PTPRD: variants seen among roughly 807,000 people sequenced by gnomAD.
The protein encoded by PTPRD is protein tyrosine phosphatase receptor type D.
A neutral mutation model predicts 214.5 loss-of-function variants in PTPRD; 34 were observed. That is an observed-to-expected ratio of 0.16 (90% confidence interval 0.12 to 0.21). PTPRD has a LOEUF of 0.21. Ranked by LOEUF, PTPRD falls within the 10% of genes least tolerant of loss-of-function variation. PTPRD has a pLI of 1.00. For missense variants in PTPRD, 2,545 were observed against 2,398.7 expected, an observed-to-expected ratio of 1.06 and a Z score of -1.27; for synonymous variants, 1,128 against 845.7, an observed-to-expected ratio of 1.33 and a Z score of -5.79.
At chr9:9,650,116 T>A in intron 7 of PTPRD, among the ~76,000 whole-genome samples, 1 of 152,098 alleles carries the variant, frequency 6.6e-6, no homozygotes, top group Middle Eastern at 3.2e-3. Context: ...TCCCCCATGC[T>A]GTTCTCACAA....
At chr9:10,029,150 T>C in intron 4 of PTPRD, among the ~76,000 whole-genome samples, 1 of 152,184 alleles carries the variant, frequency 6.6e-6, no homozygotes, top group East Asian at 1.9e-4. Flanking sequence ...GAACTGGAGT[T>C]TGGGAACCTC....
At chr9:9,953,046 A>G (rs2093594516) in intron 4 of PTPRD, among the ~76,000 whole-genome samples, 1 of 152,194 alleles carries the variant, frequency 6.6e-6, no homozygotes, top group African/African-American at 2.4e-5. Context: ...AGAAATTAGT[A>G]TCAACATCAA....
intron 4 of PTPRD, among the ~76,000 whole-genome samples, chr9:9,958,416 A>C (rs1238118894): frequency 1.3e-5 from 2 of 152,120 alleles, no homozygotes; most frequent in Non-Finnish European, 2.9e-5. Context: ...CTGTAATACC[A>C]GCTACTAGGG....
At chr9:9,017,148 A>G (rs2154366669) in intron 11 of PTPRD, among the ~76,000 whole-genome samples, 1 of 152,244 alleles carries the variant, frequency 6.6e-6, no homozygotes, top group African/African-American at 2.4e-5. Flanking sequence ...ATGATAAATG[A>G]TTAATACATA....
chr9:10,101,977 C>T (rs79341644), intron 3 of PTPRD, among the ~76,000 whole-genome samples: 2,391 of 151,724 alleles, frequency 0.016, 54 homozygotes, highest in African/African-American at 0.054. Context: ...AATTGGCCAG[C>T]CATACACATC....
At chr9:9,320,321 T>A (rs1412882) in intron 9 of PTPRD, among the ~76,000 whole-genome samples, 16,717 of 152,108 alleles carry the variant, frequency 0.11, 1,169 homozygotes, top group Non-Finnish European at 0.16. Context: ...TGAGATTGGG[T>A]ATTTGGTTCT....
chr9:8,978,437 A>G (rs1468644361), intron 11 of PTPRD, among the ~76,000 whole-genome samples: 2 of 152,092 alleles, frequency 1.3e-5, no homozygotes, highest in African/African-American at 4.8e-5. Context: ...TATCCACGGA[A>G]TGAACTATTG....
chr9:8,923,128 G>A (rs894139976), intron 11 of PTPRD, among the ~76,000 whole-genome samples: 5 of 149,774 alleles, frequency 3.3e-5, no homozygotes, highest in Non-Finnish European at 5.9e-5. Context: ...TGAAACCTCC[G>A]CCTCCTGGGT....
At chr9:10,276,486 A>G (rs2094698071) in intron 3 of PTPRD, among the ~76,000 whole-genome samples, 1 of 152,230 alleles carries the variant, frequency 6.6e-6, no homozygotes. Flanking sequence ...AGACAAAGCC[A>G]TTAAAATTAT....
chr9:10,114,462 T>C (rs1371452702), intron 3 of PTPRD, among the ~76,000 whole-genome samples: 1 of 152,146 alleles, frequency 6.6e-6, no homozygotes, highest in Admixed American at 6.6e-5. Flanking sequence ...TCCATTATTA[T>C]AAAATTATAC....
chr9:10,365,024 A>G (rs1328466353), intron 2 of PTPRD, among the ~76,000 whole-genome samples: 1 of 152,202 alleles, frequency 6.6e-6, no homozygotes, highest in Non-Finnish European at 1.5e-5. Context: ...GAGACATCTT[A>G]ACAATTCTCT....
intron 3 of PTPRD, among the ~76,000 whole-genome samples, chr9:10,042,663 G>A (rs1429754782): frequency 3.3e-5 from 5 of 151,794 alleles, no homozygotes; most frequent in African/African-American, 2.4e-5. Flanking sequence ...AAAGAACTGA[G>A]AAAATTGGAG....
intron 11 of PTPRD, among the ~76,000 whole-genome samples, chr9:9,006,122 C>T (rs927737367): frequency 6.6e-6 from 1 of 151,854 alleles, no homozygotes; most frequent in East Asian, 1.9e-4. Context: ...GCAACTGATT[C>T]ATTGAAGACT....
At chr9:10,159,188 G>C (rs2099112159) in intron 3 of PTPRD, among the ~76,000 whole-genome samples, 1 of 150,624 alleles carries the variant, frequency 6.6e-6, no homozygotes, top group Admixed American at 6.6e-5. Flanking sequence ...GGAGAAAAAG[G>C]AAAAAAAGAA....
intron 35 of PTPRD, among the ~76,000 whole-genome samples, chr9:8,424,949 T>A (rs1373020908): frequency 6.6e-6 from 1 of 152,158 alleles, no homozygotes; most frequent in Non-Finnish European, 1.5e-5. Context: ...GACTAATGTT[T>A]CCCAAGGCCT....
At chr9:10,107,688 T>C (rs2098648404) in intron 3 of PTPRD, among the ~76,000 whole-genome samples, 2 of 152,124 alleles carry the variant, frequency 1.3e-5, no homozygotes, top group East Asian at 1.9e-4. Flanking sequence ...TTTAGTCTAA[T>C]TGTTTCCACA....
At chr9:9,668,739 A>AT (rs2096771058) in intron 7 of PTPRD, among the ~76,000 whole-genome samples, 1 of 152,002 alleles carries the variant, frequency 6.6e-6, no homozygotes, top group Non-Finnish European at 1.5e-5. Flanking sequence ...CAGCTAACTG[A>AT]TTTTCGTTTC....
chr9:10,516,006 T>A (rs1350652843), intron 2 of PTPRD, among the ~76,000 whole-genome samples: 1 of 152,002 alleles, frequency 6.6e-6, no homozygotes, highest in African/African-American at 2.4e-5. Context: ...TCCACATGTT[T>A]GTTATTGTGA....
chr9:10,217,240 C>G (rs568754501), intron 3 of PTPRD, among the ~76,000 whole-genome samples: 1 of 151,790 alleles, frequency 6.6e-6, no homozygotes, highest in South Asian at 2.1e-4. Context: ...ATTGGCACAT[C>G]TAGTATCAGC....
Sources: gnomAD v4.1 joint callset for allele counts (sites outside exome capture counted in the v4.1 genomes callset) on GRCh38, gnomAD v4.1.1 for gene constraint, MANE v1.5 for transcripts, NCBI Gene and HGNC (gene_info 2026-07-23, HGNC 2026-07-21) for gene names.